Variants in COBL observed in about 807,000 individuals in gnomAD.
The protein encoded by COBL is cordon-bleu WH2 repeat protein.
In COBL, 51 loss-of-function variants were observed where a neutral mutation model predicts 98.8. The ratio of observed to expected loss-of-function variants is 0.52; its 90% CI spans 0.41 to 0.65. The LOEUF (loss-of-function observed/expected upper bound fraction) is 0.65, where lower values mean the gene tolerates loss of function less well. Ranked by LOEUF, COBL falls within the 30% of genes least tolerant of loss-of-function variation. COBL has a pLI of 0.00. For synonymous variants in COBL, 634 were observed against 651.7 expected (o/e 0.97, Z 0.41); for missense variants, 1,617 against 1,617.5 (o/e 1.00, Z 0.01).
chr7:51,209,062 A>C (rs1255106846), intron 2 of COBL, among the ~76,000 whole-genome samples: 4 of 136,700 alleles, frequency 2.9e-5, no homozygotes, highest in African/African-American at 7.8e-5. Flanking sequence ...AAAAAAAAAA[A>C]AAAAAAAAAA....
At position 51,025,166 on chromosome 7, in the gene COBL, T is replaced by C. The variant is rs770862828; in HGVS notation, c.3711A>G (p.Ala1237=). Residue 1237 remains alanine (A), a synonymous_variant, in exon 12 of 13, where the codon GCA becomes GCG. Transcript: ENST00000265136. The part of the protein sequence containing the change: ...STGTLSNTAD[A]RQALMDAIRS... ...GGATGGCGTCCATCAAGGCTTGCCT[T>C]GCGTCTGCGGTGTTGCTGAGGGTGC... 7 of 1,545,922 alleles carry C rather than the reference T, an allele frequency of 4.5e-6. No individual in the cohort carries two copies. Among genetic ancestry groups the C allele is most frequent in the Middle Eastern group, 2.4e-4 (1 of 4,124 alleles).
At chr7:51,138,392 T>C (rs1037131399) in intron 5 of COBL, among the ~76,000 whole-genome samples, 2 of 152,168 alleles carry the variant, frequency 1.3e-5, no homozygotes, top group Non-Finnish European at 2.9e-5. Flanking sequence ...TCAAGATTTA[T>C]TTAACCCTGC....
At chr7:51,129,814 T>A (rs1236424058) in intron 6 of COBL, among the ~76,000 whole-genome samples, 1 of 152,060 alleles carries the variant, frequency 6.6e-6, no homozygotes, top group African/African-American at 2.4e-5. Flanking sequence ...GCTGGCACAG[T>A]CAACTGTGAC....
At chr7:51,111,189 T>G (rs541357485) in intron 6 of COBL, among the ~76,000 whole-genome samples, 14 of 152,330 alleles carry the variant, frequency 9.2e-5, no homozygotes, top group Non-Finnish European at 1.8e-4. Flanking sequence ...TTCATTTCTT[T>G]TGGATAAATA....
chr7:51,263,769 C>T (rs1451470173), intron 1 of COBL, among the ~76,000 whole-genome samples: 3 of 152,182 alleles, frequency 2.0e-5, no homozygotes, highest in African/African-American at 7.2e-5. Flanking sequence ...TTGGATTGTG[C>T]TGCTGATAAT....
Position 51,172,396 on chromosome 7 carries a change from G to A in COBL, c.783+11706C>T, listed in dbSNP as rs926053516. ...CTGTGATTTCACTATCTGGAAGGTCGCGCAAAGCAAGAAGTTCCAAGCAAT... is the reference window on the plus strand; with the variant it reads ...CTGTGATTTCACTATCTGGAAGGTCACGCAAAGCAAGAAGTTCCAAGCAAT... On this transcript the variant is annotated intron_variant, in intron 5 of 12. Transcript: ENST00000265136. 31 of 1,094,178 alleles carry A rather than the reference G, an allele frequency of 2.8e-5. 1 individual carries two copies. The African/African-American group carries it at 3.7e-4, about 13-fold the overall frequency. 67.8% of individuals were successfully genotyped at this position (1,094,178 alleles called of 1,614,324 possible). A position where few individuals can be genotyped will look rare whatever the true frequency, so the allele number is the denominator to read the frequency against.
intron 2 of COBL, among the ~76,000 whole-genome samples, chr7:51,208,366 C>T (rs1329836932): frequency 2.5e-4 from 38 of 150,702 alleles, no homozygotes; most frequent in African/African-American, 7.8e-4. Flanking sequence ...CCAGGCCAGC[C>T]GCCCCGTCTG....
At chr7:51,138,676 ACACT>A (rs1230234907) in intron 5 of COBL, among the ~76,000 whole-genome samples, 7 of 152,230 alleles carry the variant, frequency 4.6e-5, no homozygotes, top group African/African-American at 1.4e-4. Flanking sequence ...ACATGTGCAC[ACACT>A]CACAAACGTG....
chr7:51,033,517 C>G (rs765552264), intron 8 of COBL: 5 of 152,244 alleles, frequency 3.3e-5, no homozygotes, highest in Non-Finnish European at 5.9e-5. Flanking sequence ...AATCAGCACA[C>G]ACATATATAG....
intron 7 of COBL, among the ~76,000 whole-genome samples, chr7:51,075,018 A>G (rs1792926443): frequency 6.6e-6 from 1 of 152,236 alleles, no homozygotes; most frequent in African/African-American, 2.4e-5. Context: ...ACAAAGAAGT[A>G]TAACTTCAAC....
intron 1 of COBL, among the ~76,000 whole-genome samples, chr7:51,238,875 G>A (rs911834213): frequency 6.6e-5 from 10 of 152,198 alleles, no homozygotes; most frequent in East Asian, 3.9e-4. Flanking sequence ...GGGAGTCCCC[G>A]GTGAAGGAGC....
Position 51,240,912 on chromosome 7 carries a change from G to A in COBL, c.42-20968C>T, listed in dbSNP as rs115319983. Among the ~76,000 whole-genome samples the A allele has an allele frequency of 8.6e-3, 1,302 of 152,202 alleles. 19 individuals are homozygous for A. The highest frequency in any genetic ancestry group is 0.03 in the African/African-American group (1,257 of 41,534). ...AAATTTACGAGACCACCCTTTCCTC[G>A]GAGAGCTGGCTGTTCAACAGTTCCT... On this transcript the variant is annotated intron_variant, in intron 1 of 12. Transcript: ENST00000265136.
At chr7:51,259,286 C>CA (rs778118572) in intron 1 of COBL, 3,795 of 76,544 alleles carry the variant, frequency 0.05, 88 homozygotes, top group South Asian at 0.14. Context: ...GACTCCAGCT[C>CA]AAAAAAAAAA....
intron 1 of COBL, among the ~76,000 whole-genome samples, chr7:51,234,106 T>C (rs1233987507): frequency 6.6e-6 from 1 of 152,222 alleles, no homozygotes; most frequent in Non-Finnish European, 1.5e-5. Flanking sequence ...GTTTTGATAC[T>C]GGTGTTTTCT....
chr7:51,234,103 T>C (rs1795015663), intron 1 of COBL, among the ~76,000 whole-genome samples: 1 of 152,364 alleles, frequency 6.6e-6, no homozygotes, highest in South Asian at 2.1e-4. Context: ...CCTGTTTTGA[T>C]ACTGGTGTTT....
intron 3 of COBL, among the ~76,000 whole-genome samples, 154 bp from the exon 4 acceptor site, chr7:51,191,232 T>C (rs1211832979): frequency 6.6e-6 from 1 of 152,128 alleles, no homozygotes; most frequent in Non-Finnish European, 1.5e-5. Context: ...AACAGCATAA[T>C]GAATATTGAA....
intron 8 of COBL, among the ~76,000 whole-genome samples, chr7:51,042,606 C>A (rs757858872): frequency 3.3e-5 from 5 of 152,202 alleles, no homozygotes; most frequent in Non-Finnish European, 5.9e-5. Context: ...AAGCAATCCT[C>A]CTGTTTCAGC....
intron 7 of COBL, among the ~76,000 whole-genome samples, chr7:51,047,584 T>C (rs1789839887): frequency 2.0e-5 from 3 of 152,232 alleles, no homozygotes; most frequent in Admixed American, 1.3e-4. Context: ...TCTTGTGTCC[T>C]ATGATATTGC....
At chr7:51,060,048 A>G (rs1173540164) in intron 7 of COBL, among the ~76,000 whole-genome samples, 1 of 152,050 alleles carries the variant, frequency 6.6e-6, no homozygotes, top group South Asian at 2.1e-4. Flanking sequence ...GGATGCCTCC[A>G]TGAGTCGATC....
Sources: gnomAD v4.1 joint callset for allele counts (sites outside exome capture counted in the v4.1 genomes callset) on GRCh38, gnomAD v4.1.1 for gene constraint, MANE v1.5 for transcripts, NCBI Gene and HGNC (gene_info 2026-07-23, HGNC 2026-07-21) for gene names.